AK5: variants seen among roughly 807,000 people sequenced by gnomAD.
AK5 encodes adenylate kinase 5.
A neutral mutation model predicts 69.5 loss-of-function variants in AK5; 27 were observed. The observed-to-expected ratio is 0.39, with a 90% confidence interval of 0.29 to 0.54. The LOEUF (loss-of-function observed/expected upper bound fraction) is 0.54. Ranked by LOEUF, AK5 falls within the 20% of genes least tolerant of loss-of-function variation. The pLI, the probability that AK5 is intolerant of heterozygous loss-of-function variation, is 0.71. For synonymous variants in AK5, 260 were observed against 244.4 expected (o/e 1.06, Z -0.60); for missense variants, 531 against 700.4 (o/e 0.76, Z 2.73).
intron 12 of AK5, 58 bp downstream of exon 12, chr1:77,522,001 G>C (rs533861904): frequency 9.4e-5 from 122 of 1,302,712 alleles, no homozygotes; most frequent in Non-Finnish European, 1.2e-4. Flanking sequence ...CCTTGAGGTT[G>C]GGTGATAATT....
intron 12 of AK5, among the ~76,000 whole-genome samples, chr1:77,523,197 C>A (rs1658093417): frequency 1.3e-5 from 2 of 152,208 alleles, no homozygotes; most frequent in South Asian, 2.1e-4. Context: ...TCTTCCCCTA[C>A]ACTTCCTACA....
chr1:77,334,081 G>A (rs576134868), intron 5 of AK5, among the ~76,000 whole-genome samples: 4 of 152,014 alleles, frequency 2.6e-5, no homozygotes, highest in Non-Finnish European at 4.4e-5. Flanking sequence ...TTCTATCCTG[G>A]ATCATTTTTC....
chr1:77,359,172 G>T (rs764953922), intron 6 of AK5, among the ~76,000 whole-genome samples: 25 of 151,516 alleles, frequency 1.6e-4, no homozygotes, highest in Non-Finnish European at 3.1e-4. Context: ...GAAGAATGGC[G>T]TGAACCTGGG....
intron 6 of AK5, among the ~76,000 whole-genome samples, chr1:77,382,592 C>G (rs1647723328): frequency 6.6e-6 from 1 of 152,196 alleles, no homozygotes; most frequent in Non-Finnish European, 1.5e-5. Context: ...TCAAGTGAGT[C>G]ACCCGTCTCA....
At chr1:77,335,059 T>C (rs1186125287) in intron 5 of AK5, among the ~76,000 whole-genome samples, 1 of 152,224 alleles carries the variant, frequency 6.6e-6, no homozygotes, top group Non-Finnish European at 1.5e-5. Context: ...CTTATCTGAA[T>C]TATGGAGTCT....
intron 8 of AK5, among the ~76,000 whole-genome samples, chr1:77,423,930 G>A (rs1283948937): frequency 6.6e-6 from 1 of 152,154 alleles, no homozygotes; most frequent in Non-Finnish European, 1.5e-5. Context: ...CCTAGAGCAA[G>A]AGAAAACCCA....
intron 3 of AK5, among the ~76,000 whole-genome samples, chr1:77,294,903 C>G (rs544360162): frequency 6.6e-6 from 1 of 152,142 alleles, no homozygotes; most frequent in East Asian, 1.9e-4. Context: ...GTGACACACA[C>G]CTGTTGTCCC....
intron 6 of AK5, among the ~76,000 whole-genome samples, chr1:77,396,363 A>G (rs1231980738): frequency 1.3e-5 from 2 of 152,202 alleles, no homozygotes; most frequent in African/African-American, 2.4e-5. Flanking sequence ...AAACTTGGGG[A>G]AAAATTGTTC....
chr1:77,321,930 G>A (rs920624804), intron 5 of AK5, among the ~76,000 whole-genome samples: 2 of 152,068 alleles, frequency 1.3e-5, no homozygotes, highest in African/African-American at 4.8e-5. Flanking sequence ...GTTAAATTTA[G>A]CAAGGTCATG....
intron 8 of AK5, among the ~76,000 whole-genome samples, chr1:77,435,537 A>G (rs1651903193): frequency 6.6e-6 from 1 of 151,824 alleles, no homozygotes; most frequent in Non-Finnish European, 1.5e-5. Flanking sequence ...AGTCCCAGCT[A>G]CTCAGGAGGC....
intron 5 of AK5, among the ~76,000 whole-genome samples, chr1:77,301,905 G>A (rs1659362311): frequency 6.6e-6 from 1 of 151,942 alleles, no homozygotes; most frequent in Admixed American, 6.6e-5. Context: ...TCCATTATCT[G>A]CATGACACAT....
chr1:77,504,419 G>GT (rs1449240284), intron 10 of AK5, among the ~76,000 whole-genome samples: 1 of 129,626 alleles, frequency 7.7e-6, no homozygotes, highest in Non-Finnish European at 1.6e-5. Flanking sequence ...ATTCCTCTTA[G>GT]TTTTTTTCTG....
chr1:77,444,280 CAACATATGTGTA>C (rs1652550430), intron 8 of AK5, among the ~76,000 whole-genome samples: 3 of 51,238 alleles, frequency 5.9e-5, no homozygotes, highest in East Asian at 8.9e-4. Flanking sequence ...TATATATACA[CAACATATGTGTA>C]TATATATAGT....
At position 77,282,026 on chromosome 1, in the gene AK5, G is replaced by T. The variant is rs932236955; in HGVS notation, c.-288G>T. ...TCCCTGCGCCCCACCCCTGGCGGCCGCGCTGCCTGGCAGCCCGGGAAGCCG... is the reference window on the plus strand; with the variant it reads ...TCCCTGCGCCCCACCCCTGGCGGCCTCGCTGCCTGGCAGCCCGGGAAGCCG... On this transcript the variant is annotated 5_prime_UTR_variant, in exon 1 of 14. Coordinates refer to ENST00000354567, the MANE Select transcript of AK5 (RefSeq NM_174858.3). 2 of 298,402 alleles carry T rather than the reference G, an allele frequency of 6.7e-6. No homozygotes were observed. Among genetic ancestry groups the T allele is most frequent in the South Asian group, 2.8e-4 (2 of 7,116 alleles). The allele number at this position is 298,402 out of a possible 1,614,324, so 18.5% of individuals were successfully genotyped here.
chr1:77,294,871 T>A (rs1658898309), intron 3 of AK5, among the ~76,000 whole-genome samples: 3 of 152,142 alleles, frequency 2.0e-5, no homozygotes, highest in African/African-American at 7.2e-5. Flanking sequence ...CTACAAAAAA[T>A]TTTTAAAATT....
chr1:77,459,155 A>G (rs12568374), intron 8 of AK5, among the ~76,000 whole-genome samples: 4,987 of 152,182 alleles, frequency 0.033, 223 homozygotes, highest in East Asian at 0.19. Context: ...ACACTTCCAC[A>G]CTTTTCTCCG....
intron 3 of AK5, among the ~76,000 whole-genome samples, chr1:77,295,931 T>G (rs11162311): frequency 0.38 from 58,037 of 151,896 alleles, 11,474 homozygotes; most frequent in Non-Finnish European, 0.44. Context: ...GAAATCAACT[T>G]GTTTCCCAAA....
intron 10 of AK5, among the ~76,000 whole-genome samples, chr1:77,490,590 C>T (rs1436812826): frequency 6.6e-6 from 1 of 152,156 alleles, no homozygotes; most frequent in Non-Finnish European, 1.5e-5. Context: ...GAAAAAGATT[C>T]TATGGACTTC....
At chr1:77,321,632 C>T (rs1660539986) in intron 5 of AK5, among the ~76,000 whole-genome samples, 1 of 152,098 alleles carries the variant, frequency 6.6e-6, no homozygotes, top group Admixed American at 6.5e-5. Flanking sequence ...CTACAAAAAC[C>T]TATATAGCTA....
Sources: gnomAD v4.1 joint callset for allele counts (sites outside exome capture counted in the v4.1 genomes callset) on GRCh38, gnomAD v4.1.1 for gene constraint, MANE v1.5 for transcripts, NCBI Gene and HGNC (gene_info 2026-07-23, HGNC 2026-07-21) for gene names.